The following AUH variants were observed in gnomAD, a reference collection of about 807,000 sequenced individuals.
AUH encodes the protein AU RNA binding methylglutaconyl-CoA hydratase.
Under a neutral mutation model 42.3 loss-of-function variants are expected in AUH, and 29 were observed. That is an observed-to-expected ratio of 0.69 (90% CI 0.51 to 0.93). The LOEUF (loss-of-function observed/expected upper bound fraction) is 0.93, where lower values mean the gene tolerates loss of function less well. Ranked by LOEUF, AUH falls within the 40% of genes least tolerant of loss-of-function variation. The pLI, the probability that AUH is intolerant of heterozygous loss-of-function variation, is 0.00. For missense variants in AUH, 452 were observed against 438.1 expected (o/e 1.03, Z -0.28); for synonymous variants, 174 against 166.4 (o/e 1.05, Z -0.35).
intron 6 of AUH, among the ~76,000 whole-genome samples, chr9:91,242,250 G>A (rs779030798): frequency 5.9e-5 from 9 of 152,198 alleles, no homozygotes; most frequent in African/African-American, 9.7e-5. Flanking sequence ...GCATTACACT[G>A]TGTGAACACC....
chr9:91,332,980 A>C (rs1292779361), intron 3 of AUH, among the ~76,000 whole-genome samples: 1 of 152,248 alleles, frequency 6.6e-6, no homozygotes, highest in African/African-American at 2.4e-5. Flanking sequence ...GCTGGTAAGC[A>C]GTTAAAACTA....
intron 6 of AUH, 52 bp downstream of exon 6, chr9:91,295,969 T>C: frequency 6.3e-7 from 1 of 1,596,388 alleles, no homozygotes; most frequent in Non-Finnish European, 8.6e-7. Context: ...CCTTATGCCC[T>C]GTTTCTAGGA....
intron 3 of AUH, among the ~76,000 whole-genome samples, chr9:91,327,926 C>T (rs1283979167): frequency 1.3e-5 from 2 of 152,186 alleles, no homozygotes; most frequent in South Asian, 2.1e-4. Context: ...TCATTCATGG[C>T]ATGCCCAGTC....
At chr9:91,218,466 C>T in intron 7 of AUH, 1 of 304,122 alleles carries the variant, frequency 3.3e-6, no homozygotes. Context: ...CTCCTAGATG[C>T]ACACAAATCC....
At chr9:91,267,252 C>T (rs1462526811) in intron 6 of AUH, among the ~76,000 whole-genome samples, 1 of 152,156 alleles carries the variant, frequency 6.6e-6, no homozygotes. Flanking sequence ...AAAAACTTTG[C>T]AATACAGATA....
intron 6 of AUH, among the ~76,000 whole-genome samples, chr9:91,263,254 T>TA (rs1238920636): frequency 6.6e-6 from 1 of 152,216 alleles, no homozygotes; most frequent in African/African-American, 2.4e-5. Flanking sequence ...ATCAATGACT[T>TA]AGTCTACCAG....
Position 91,266,956 on chromosome 9 carries a change from G to C in AUH, c.655+29065C>G, listed in dbSNP as rs182512507. Among the ~76,000 whole-genome samples the C allele has an allele frequency of 1.3e-3, 204 of 152,294 alleles. 1 individual carries two copies. Among genetic ancestry groups the C allele is most frequent in the Non-Finnish European group, 2.5e-3 (172 of 68,006 alleles). On this transcript the variant is annotated intron_variant, in intron 6 of 9. Transcript: ENST00000375731. ...CAGACTGCTAGTGCACTCCGTGTGT[G>C]TATGTTATATTTTGGTGAGAAGTCT...
At chr9:91,357,124 A>G (rs1484689458) in intron 1 of AUH, among the ~76,000 whole-genome samples, 1 of 152,248 alleles carries the variant, frequency 6.6e-6, no homozygotes, top group African/African-American at 2.4e-5. Flanking sequence ...AGAAAAGCAT[A>G]AAGGACTGCT....
At chr9:91,244,687 G>A (rs148351534) in intron 6 of AUH, among the ~76,000 whole-genome samples, 1,606 of 152,226 alleles carry the variant, frequency 0.011, 7 homozygotes, top group Non-Finnish European at 0.014. Context: ...ACCCACAATG[G>A]CAGGTTCCAG....
chr9:91,269,478 ATACT>A (rs1824937383), intron 6 of AUH, among the ~76,000 whole-genome samples: 1 of 152,382 alleles, frequency 6.6e-6, no homozygotes, highest in African/African-American at 2.4e-5. Context: ...TCATTAGTTC[ATACT>A]TAGATTGAAA....
At position 91,266,686 on chromosome 9, in the gene AUH, G is replaced by C. The variant is rs546988410; in HGVS notation, c.655+29335C>G. On this transcript the variant is annotated intron_variant, in intron 6 of 9. Coordinates refer to ENST00000375731, the MANE Select transcript of AUH (RefSeq NM_001698.3). ...CTGCTACACAGGTTCACAGAATAAT[G>C]GTCCAGAAAGGTACACCAGGCCTCA... Among the ~76,000 whole-genome samples, 74 of 152,230 alleles carry C rather than the reference G, an allele frequency of 4.9e-4. No individual in the cohort carries two copies. In the South Asian group the frequency reaches 0.014, roughly 29 times the overall value.
chr9:91,233,867 T>C (rs1009965087), intron 6 of AUH, among the ~76,000 whole-genome samples: 1 of 152,190 alleles, frequency 6.6e-6, no homozygotes, highest in African/African-American at 2.4e-5. Flanking sequence ...CATACAAGCA[T>C]AAGAACCCTC....
intron 6 of AUH, among the ~76,000 whole-genome samples, chr9:91,272,454 G>A (rs905033611): frequency 4.6e-5 from 7 of 152,154 alleles, no homozygotes; most frequent in South Asian, 4.1e-4. Context: ...TCCTGAAGCC[G>A]AGAGCACTGT....
chr9:91,267,398 G>A (rs937389019), intron 6 of AUH, among the ~76,000 whole-genome samples: 1 of 152,160 alleles, frequency 6.6e-6, no homozygotes, highest in Non-Finnish European at 1.5e-5. Context: ...AATGTAGGAT[G>A]AGGCCCATGT....
intron 4 of AUH, among the ~76,000 whole-genome samples, chr9:91,319,471 AAAT>A (rs1279552696): frequency 6.6e-6 from 1 of 152,190 alleles, no homozygotes; most frequent in Non-Finnish European, 1.5e-5. Flanking sequence ...TGTCTCTCTA[AAAT>A]AATAATTGGT....
chr9:91,313,185 T>A (rs554582665), intron 4 of AUH, among the ~76,000 whole-genome samples: 1 of 152,326 alleles, frequency 6.6e-6, no homozygotes, highest in Admixed American at 6.5e-5. Context: ...ATCCGTCTGC[T>A]TCCTTAATAA....
intron 4 of AUH, among the ~76,000 whole-genome samples, chr9:91,310,568 T>C (rs923460741): frequency 1.1e-4 from 16 of 152,196 alleles, no homozygotes; most frequent in African/African-American, 3.9e-4. Context: ...TCAAGATCAA[T>C]AAACTTACAC....
intron 3 of AUH, among the ~76,000 whole-genome samples, chr9:91,331,991 C>A (rs1830361087): frequency 6.6e-6 from 1 of 152,172 alleles, no homozygotes; most frequent in South Asian, 2.1e-4. Context: ...CTTTTTGTTC[C>A]TATTATTGCT....
intron 6 of AUH, among the ~76,000 whole-genome samples, chr9:91,249,883 G>A (rs930165001): frequency 2.0e-5 from 3 of 151,864 alleles, no homozygotes; most frequent in African/African-American, 4.8e-5. Flanking sequence ...ACGGTGGTGC[G>A]TGCCTGTAGT....
Sources: gnomAD v4.1 joint callset for allele counts (sites outside exome capture counted in the v4.1 genomes callset) on GRCh38, gnomAD v4.1.1 for gene constraint, MANE v1.5 for transcripts, NCBI Gene and HGNC (gene_info 2026-07-23, HGNC 2026-07-21) for gene names.